Variants in TMEM182 observed in about 807,000 individuals in gnomAD.
The protein encoded by TMEM182 is transmembrane protein 182.
In TMEM182, 20 loss-of-function variants were observed where a neutral mutation model predicts 26.8. The observed-to-expected ratio is 0.75, with a 90% CI of 0.53 to 1.09. The LOEUF (loss-of-function observed/expected upper bound fraction) is 1.09, where lower values mean the gene tolerates loss of function less well. Among genes scored for constraint, TMEM182 ranks in the 50% least tolerant of loss-of-function variants. The pLI, the probability that TMEM182 is intolerant of heterozygous loss-of-function variation, is 0.00. For synonymous variants in TMEM182, 109 were observed against 102.2 expected (o/e 1.07, Z -0.40); for missense variants, 277 against 275.5 (o/e 1.01, Z -0.04).
intron 3 of TMEM182, among the ~76,000 whole-genome samples, chr2:102,789,492 C>T (rs900564439): frequency 3.9e-5 from 6 of 152,076 alleles, no homozygotes; most frequent in African/African-American, 1.4e-4. Context: ...AATGAAAACC[C>T]GTAGAGACGC....
chr2:102,808,374 T>C (rs967939095), intron 4 of TMEM182, among the ~76,000 whole-genome samples: 1 of 152,176 alleles, frequency 6.6e-6, no homozygotes, highest in Non-Finnish European at 1.5e-5. Context: ...GGAAGACAGT[T>C]AAGGCAGTGT....
intron 4 of TMEM182, among the ~76,000 whole-genome samples, chr2:102,804,498 A>G (rs544600755): frequency 1.3e-5 from 2 of 152,132 alleles, no homozygotes; most frequent in Non-Finnish European, 2.9e-5. Flanking sequence ...ATTCTTTTTA[A>G]TGGCTGAGTA....
intron 3 of TMEM182, among the ~76,000 whole-genome samples, chr2:102,774,694 C>A (rs993962644): frequency 1.3e-5 from 2 of 152,230 alleles, no homozygotes; most frequent in African/African-American, 4.8e-5. Context: ...TGTTCCAACA[C>A]CCTTTGTTAA....
At chr2:102,792,703 A>G (rs1477804972) in intron 3 of TMEM182, among the ~76,000 whole-genome samples, 5 of 152,190 alleles carry the variant, frequency 3.3e-5, no homozygotes, top group African/African-American at 1.2e-4. Context: ...GGCAGGAAAC[A>G]AAGCACATGG....
At chr2:102,756,129 A>G (rs1033307870) in intron 1 of TMEM182, among the ~76,000 whole-genome samples, 11 of 152,192 alleles carry the variant, frequency 7.2e-5, no homozygotes, top group African/African-American at 2.7e-4. Context: ...ATGTGTGTGT[A>G]TTGGTGTGGG....
At chr2:102,752,015 G>T (rs1371983235) in intron 1 of TMEM182, among the ~76,000 whole-genome samples, 4 of 152,086 alleles carry the variant, frequency 2.6e-5, no homozygotes, top group African/African-American at 9.7e-5. Context: ...CCACCCTTTT[G>T]ATCTCATTTA....
At chr2:102,751,621 G>T (rs1679879199) in intron 1 of TMEM182, among the ~76,000 whole-genome samples, 1 of 152,022 alleles carries the variant, frequency 6.6e-6, no homozygotes, top group Non-Finnish European at 1.5e-5. Flanking sequence ...CCTTACCAAG[G>T]ACTTTCCTAC....
At chr2:102,763,238 G>A (rs1281149801) in intron 2 of TMEM182, among the ~76,000 whole-genome samples, 1 of 152,080 alleles carries the variant, frequency 6.6e-6, no homozygotes, top group Non-Finnish European at 1.5e-5. Flanking sequence ...CCTTGCTTTT[G>A]ATGTTTGTGT....
At chr2:102,824,365 T>A (rs1682990039) in intron 3 of TMEM182, among the ~76,000 whole-genome samples, 1 of 152,228 alleles carries the variant, frequency 6.6e-6, no homozygotes, top group Admixed American at 6.5e-5. Flanking sequence ...TCATGTCGAA[T>A]CATAATCCCC....
intron 3 of TMEM182, among the ~76,000 whole-genome samples, chr2:102,764,998 G>T (rs570125664): frequency 6.6e-6 from 1 of 151,860 alleles, no homozygotes; most frequent in Non-Finnish European, 1.5e-5. Flanking sequence ...ACTTGCTAAG[G>T]GTTGATACAG....
intron 4 of TMEM182, among the ~76,000 whole-genome samples, chr2:102,809,057 T>A (rs889064705): frequency 6.6e-6 from 1 of 152,202 alleles, no homozygotes. Flanking sequence ...GTAAAGTATA[T>A]GTAAATTAAA....
intron 3 of TMEM182, 102 bp downstream of exon 3, chr2:102,764,529 C>A (rs757461359): frequency 2.0e-5 from 17 of 841,552 alleles, no homozygotes; most frequent in Admixed American, 5.9e-5. Flanking sequence ...TAATTTAAGA[C>A]CTGTAATTTC....
intron 4 of TMEM182, among the ~76,000 whole-genome samples, chr2:102,807,257 T>C (rs1326388283): frequency 1.3e-5 from 2 of 152,118 alleles, no homozygotes; most frequent in Non-Finnish European, 1.5e-5. Context: ...AATGATGAAG[T>C]GTGTGCAGCA....
chr2:102,815,022 T>C lies in TMEM182; in HGVS notation c.*54T>C. On this transcript the variant is annotated 3_prime_UTR_variant, in exon 5 of 5. Transcript: ENST00000412401. ...AGAGATTTTAAAACAAGGAATACTT[T>C]TTTTCCATTTTGTTTCATTGATCCC... is the stretch of plus-strand genomic sequence containing the variant. 2 of 1,590,580 alleles carry C rather than the reference T, an allele frequency of 1.3e-6. No individual in the cohort carries two copies. The highest frequency in any genetic ancestry group is 2.3e-5 in the South Asian group (2 of 87,774).
intron 3 of TMEM182, among the ~76,000 whole-genome samples, chr2:102,832,155 C>G (rs976311469): frequency 6.6e-6 from 1 of 152,184 alleles, no homozygotes; most frequent in African/African-American, 2.4e-5. Flanking sequence ...ATTCTTTATT[C>G]CACTATGCCA....
In TMEM182 at chr2:102,833,720, G is replaced by A. The variant is rs113475944; in HGVS notation, c.326-9692G>A. 2.1e-3 allele frequency among the ~76,000 whole-genome samples: 317 copies of A among 152,288 alleles called. 2 individuals are homozygous for A. The highest frequency in any genetic ancestry group is 7.2e-3 in the African/African-American group (301 of 41,568). On this transcript the variant is annotated intron_variant, in intron 3 of 3. Coordinates refer to the TMEM182 transcript ENST00000486293. ...TTATTCTCCTCTCATCTGTGACAAT[G>A]TCTCAGTTTTTCCTTGTCTTTCATG...
chr2:102,770,091 A>G (rs1410092367), intron 3 of TMEM182, among the ~76,000 whole-genome samples: 1 of 152,218 alleles, frequency 6.6e-6, no homozygotes, highest in Non-Finnish European at 1.5e-5. Context: ...AGGAAAGAAG[A>G]CAGTAAAATA....
intron 1 of TMEM182, among the ~76,000 whole-genome samples, chr2:102,739,322 G>A (rs1679479929): frequency 6.6e-6 from 1 of 152,146 alleles, no homozygotes; most frequent in Non-Finnish European, 1.5e-5. Context: ...GCCTACCAAT[G>A]ATGAATACCC....
At chr2:102,769,426 A>G (rs902714175) in intron 3 of TMEM182, among the ~76,000 whole-genome samples, 1 of 152,228 alleles carries the variant, frequency 6.6e-6, no homozygotes, top group African/African-American at 2.4e-5. Flanking sequence ...AGTTTAAATA[A>G]CATACAGTAA....
Sources: gnomAD v4.1 joint callset for allele counts (sites outside exome capture counted in the v4.1 genomes callset) on GRCh38, gnomAD v4.1.1 for gene constraint, MANE v1.5 for transcripts, NCBI Gene and HGNC (gene_info 2026-07-23, HGNC 2026-07-21) for gene names.